Variants in DNAJC5 observed in about 807,000 individuals in gnomAD.
The protein encoded by DNAJC5 is DnaJ heat shock protein family (Hsp40) member C5, also known as dnaJ homolog subfamily C member 5.
DNAJC5 carries 1 observed loss-of-function variant against 23.2 expected under a neutral mutation model. The ratio of observed to expected loss-of-function variants is 0.04; its 90% CI spans 0.02 to 0.20. The LOEUF (loss-of-function observed/expected upper bound fraction) is 0.20. Among genes scored for constraint, DNAJC5 ranks in the 10% least tolerant of loss-of-function variants. DNAJC5 has a pLI of 1.00. For missense variants in DNAJC5, 180 were observed against 267.0 expected (o/e 0.67, Z 2.27); for synonymous variants, 136 against 120.0 (o/e 1.13, Z -0.87).
chr20:63,906,012 G>A (rs887822595), intron 1 of DNAJC5, among the ~76,000 whole-genome samples: 5 of 151,974 alleles, frequency 3.3e-5, no homozygotes, highest in Non-Finnish European at 5.9e-5. Context: ...GATTACAGGC[G>A]TGAGCCACTA....
chr20:63,910,861 C>CGGGG (rs2053478743), intron 1 of DNAJC5, among the ~76,000 whole-genome samples: 1 of 151,810 alleles, frequency 6.6e-6, no homozygotes, highest in African/African-American at 2.4e-5. Context: ...TTAGTAGAGA[C>CGGGG]GGGGGTTCAC....
At chr20:63,907,906 C>T (rs1044721544) in intron 1 of DNAJC5, among the ~76,000 whole-genome samples, 9 of 152,142 alleles carry the variant, frequency 5.9e-5, no homozygotes, top group African/African-American at 1.2e-4. Context: ...GCTGGGCCTA[C>T]GGGCATGTGC....
At chr20:63,924,885 C>G (rs1298583982) in intron 1 of DNAJC5, among the ~76,000 whole-genome samples, 1 of 152,246 alleles carries the variant, frequency 6.6e-6, no homozygotes, top group African/African-American at 2.4e-5. Flanking sequence ...TGGCGTGCCC[C>G]AACTCACCTG....
intron 1 of DNAJC5, among the ~76,000 whole-genome samples, chr20:63,925,793 A>T (rs559221895): frequency 4.8e-4 from 72 of 149,014 alleles, no homozygotes; most frequent in Non-Finnish European, 9.5e-4. Flanking sequence ...ATATTTGGTT[A>T]AAAAAAAAAT....
Position 63,931,672 on chromosome 20 carries a change from C to A in DNAJC5, c.*104C>A. On this transcript the variant is annotated 3_prime_UTR_variant, in exon 5 of 5. Coordinates refer to ENST00000360864, the MANE Select transcript of DNAJC5 (RefSeq NM_025219.3). This position sits in a 1 kb window ranked among gnomAD's most constrained non-coding sequence, Gnocchi z 9.6. ...GATGGGAAGGCAGCCTCCTGCCTGC[C>A]CTGGCCTTGCTGGGGCCCCTCCTGC... is the stretch of plus-strand genomic sequence containing the variant. 1 of 1,279,914 alleles carries A rather than the reference C, an allele frequency of 7.8e-7. No homozygotes were observed. Among genetic ancestry groups the A allele is most frequent in the Non-Finnish European group, 1.1e-6 (1 of 913,654 alleles). 79.3% of individuals were successfully genotyped at this position (1,279,914 alleles called of 1,614,324 possible). A position where few individuals can be genotyped will look rare whatever the true frequency, so the allele number is the denominator to read the frequency against.
In DNAJC5 at chr20:63,933,626, CGCTTCGTGCA is replaced by C. The variant is rs1193177838; in HGVS notation, c.*2061_*2070del. On this transcript the variant is annotated 3_prime_UTR_variant, in exon 5 of 5. Transcript: ENST00000360864. ...GCGAGACAGTGGGGTGCCTCCGTGC[CGCTTCGTGCA>C]GCAGCAAGTTCAGCCTGAGATGCTG... 3 of 152,364 alleles carry C rather than the reference CGCTTCGTGCA, an allele frequency of 2.0e-5. No individual in the cohort carries two copies. The highest frequency in any genetic ancestry group is 2.9e-5 in the Non-Finnish European group (2 of 68,050). 9.4% of individuals were successfully genotyped at this position (152,364 alleles called of 1,614,324 possible). A position where few individuals can be genotyped will look rare whatever the true frequency, so the allele number is the denominator to read the frequency against.
At chr20:63,927,464 G>A (rs1044882609) in intron 1 of DNAJC5, among the ~76,000 whole-genome samples, 4 of 152,164 alleles carry the variant, frequency 2.6e-5, no homozygotes, top group African/African-American at 9.7e-5. Context: ...TGCTTGAACC[G>A]GGGAGGCGGA....
intron 1 of DNAJC5, among the ~76,000 whole-genome samples, chr20:63,899,815 T>G (rs1207414472): frequency 2.0e-5 from 3 of 151,890 alleles, no homozygotes; most frequent in Admixed American, 1.3e-4. Flanking sequence ...TCTCCTGACC[T>G]TGTGATCCGC....
At chr20:63,913,045 A>G (rs1160041274) in intron 1 of DNAJC5, among the ~76,000 whole-genome samples, 1 of 79,268 alleles carries the variant, frequency 1.3e-5, no homozygotes, top group African/African-American at 9.0e-5. Context: ...AGCCAAGGGC[A>G]TCTAGAGCAA....
chr20:63,913,525 T>G (rs1301301817), intron 1 of DNAJC5, among the ~76,000 whole-genome samples: 1 of 152,000 alleles, frequency 6.6e-6, no homozygotes, highest in Non-Finnish European at 1.5e-5. Context: ...GTCTTCTGAG[T>G]AGCTGGGACT....
chr20:63,918,446 CAT>C (rs2053532061), intron 1 of DNAJC5, among the ~76,000 whole-genome samples: 2 of 152,218 alleles, frequency 1.3e-5, no homozygotes, highest in East Asian at 3.9e-4. Context: ...TAGGGATAAA[CAT>C]GAGGTAATTT....
intron 1 of DNAJC5, among the ~76,000 whole-genome samples, chr20:63,899,001 A>C (rs530949443): frequency 6.6e-6 from 1 of 152,316 alleles, no homozygotes; most frequent in East Asian, 1.9e-4. Flanking sequence ...CCACTGTGGC[A>C]GCAGAATCTG....
intron 1 of DNAJC5, among the ~76,000 whole-genome samples, chr20:63,927,455 G>C (rs771631494): frequency 2.2e-4 from 34 of 152,188 alleles, no homozygotes; most frequent in Non-Finnish European, 2.5e-4. Flanking sequence ...CAGGAGCATT[G>C]CTTGAACCGG....
intron 1 of DNAJC5, among the ~76,000 whole-genome samples, chr20:63,912,451 C>T (rs895795930): frequency 6.6e-6 from 1 of 151,926 alleles, no homozygotes; most frequent in African/African-American, 2.4e-5. Context: ...TAGATAATAT[C>T]TATTCCAAAT....
chr20:63,926,349 T>A (rs2053616247), intron 1 of DNAJC5, among the ~76,000 whole-genome samples: 1 of 152,270 alleles, frequency 6.6e-6, no homozygotes, highest in Admixed American at 6.5e-5. Flanking sequence ...GAACCAACTC[T>A]TTTGGCTTTG....
intron 1 of DNAJC5, among the ~76,000 whole-genome samples, chr20:63,907,668 TAAAACTC>T (rs1448804541): frequency 1.3e-5 from 2 of 152,194 alleles, no homozygotes; most frequent in African/African-American, 2.4e-5. Flanking sequence ...GCTGTGTAGA[TAAAACTC>T]AAAGCAGATA....
intron 1 of DNAJC5, among the ~76,000 whole-genome samples, chr20:63,900,268 A>G (rs1402448430): frequency 6.6e-6 from 1 of 151,568 alleles, no homozygotes; most frequent in Non-Finnish European, 1.5e-5. Context: ...TACTTAGACC[A>G]GGTTTGGGAC....
intron 3 of DNAJC5, among the ~76,000 whole-genome samples, chr20:63,930,564 G>A (rs889994285): frequency 1.3e-5 from 2 of 152,174 alleles, no homozygotes; most frequent in Non-Finnish European, 2.9e-5. Flanking sequence ...AGCCAGGATG[G>A]TCTCGATCTC....
At chr20:63,908,154 T>G (rs114741643) in intron 1 of DNAJC5, among the ~76,000 whole-genome samples, 2,050 of 152,304 alleles carry the variant, frequency 0.013, 33 homozygotes, top group African/African-American at 0.046. Flanking sequence ...CTGGAATGAT[T>G]TGACTTTCGT....
Sources: gnomAD v4.1 joint callset for allele counts (sites outside exome capture counted in the v4.1 genomes callset) on GRCh38, gnomAD v4.1.1 for gene constraint, Gnocchi (gnomAD v3.1) non-coding constraint, MANE v1.5 for transcripts, NCBI Gene and HGNC (gene_info 2026-07-23, HGNC 2026-07-21) for gene names.